Variants in ADCY5 observed in about 807,000 individuals in gnomAD.
The protein encoded by ADCY5 is adenylate cyclase 5.
A neutral mutation model predicts 119.7 loss-of-function variants in ADCY5; 30 were observed. The ratio of observed to expected loss-of-function variants is 0.25; its 90% CI spans 0.19 to 0.34. ADCY5 has a LOEUF of 0.34. Ranked by LOEUF, ADCY5 falls within the 10% of genes least tolerant of loss-of-function variation. The pLI is 1.00. For synonymous variants in ADCY5, 753 were observed against 762.2 expected, an observed-to-expected ratio of 0.99 and a Z score of 0.20; for missense variants, 1,324 against 1,775.2, an observed-to-expected ratio of 0.75 and a Z score of 4.57.
intron 8 of ADCY5, among the ~76,000 whole-genome samples, chr3:123,320,983 C>A (rs1031556998): frequency 6.6e-6 from 1 of 152,136 alleles, no homozygotes; most frequent in African/African-American, 2.4e-5. Context: ...GTGCTAGACG[C>A]CGGGGATGCC....
intron 1 of ADCY5, among the ~76,000 whole-genome samples, chr3:123,401,256 A>G (rs912593294): frequency 3.3e-5 from 5 of 152,178 alleles, no homozygotes; most frequent in South Asian, 2.1e-4. Flanking sequence ...ATGTCCGGGT[A>G]GGTCAGACAG....
intron 1 of ADCY5, among the ~76,000 whole-genome samples, chr3:123,434,656 C>G (rs186991427): frequency 6.6e-6 from 1 of 152,180 alleles, no homozygotes; most frequent in Non-Finnish European, 1.5e-5. Context: ...GTCCAGGTCT[C>G]AACCCTAGGA....
Position 123,319,898 on chromosome 3 carries a change from C to T in ADCY5, c.2112-80G>A, listed in dbSNP as rs999097982. ...AGGGCTGGCTCTTCCGACCATCCCC[C>T]CAGACTCTCGGAGAGGCCTGGCAGC... On this transcript the variant is annotated intron_variant, in intron 9 of 20. Coordinates refer to ENST00000462833, the MANE Select transcript of ADCY5 (RefSeq NM_183357.3). 8 of 1,557,306 alleles carry T rather than the reference C, an allele frequency of 5.1e-6. No individual in the cohort carries two copies. The African/African-American group carries it at 9.5e-5, about 18-fold the overall frequency.
chr3:123,306,318 C>T (rs4528887), intron 12 of ADCY5, among the ~76,000 whole-genome samples: 24,434 of 152,076 alleles, frequency 0.16, 2,248 homozygotes, highest in Middle Eastern at 0.28. Flanking sequence ...CTGGGACACA[C>T]AGATATCCAC....
intron 1 of ADCY5, among the ~76,000 whole-genome samples, chr3:123,370,203 TCA>T (rs1451023372): frequency 6.6e-6 from 1 of 152,194 alleles, no homozygotes; most frequent in Non-Finnish European, 1.5e-5. Context: ...AAATATATTC[TCA>T]GTTTGAAGTC....
rs190281683 is a variant in ADCY5, at chr3:123,367,980, G to A, written c.1135-15399C>T. 1.1e-5 allele frequency: 17 copies of A among 1,523,512 alleles called. No individual in the cohort carries two copies. The East Asian group carries it at 2.7e-4, about 24-fold the overall frequency. The allele number at this position is 1,523,512 out of a possible 1,614,324, so 94.4% of individuals were successfully genotyped here. A position where few individuals can be genotyped will look rare whatever the true frequency, so the allele number is the denominator to read the frequency against. Reference sequence around the variant, plus strand: ...CCTGGGCCCTACCCAGCACTACACAGGCTGCCCTGTGGGGATGGAGGGGAC... The same window carrying A: ...CCTGGGCCCTACCCAGCACTACACAAGCTGCCCTGTGGGGATGGAGGGGAC... On this transcript the variant is annotated intron_variant, in intron 1 of 20. Transcript: ENST00000462833.
chr3:123,335,025 C>T (rs926012025), intron 3 of ADCY5, among the ~76,000 whole-genome samples: 10 of 152,142 alleles, frequency 6.6e-5, no homozygotes, highest in Non-Finnish European at 1.2e-4. Flanking sequence ...AGACAGTAAA[C>T]AACTTGCCTT....
At chr3:123,324,405 CA>C (rs1402520289) in intron 8 of ADCY5, among the ~76,000 whole-genome samples, 10 of 236 alleles carry the variant, frequency 0.042, no homozygotes, top group African/African-American at 0.19. Flanking sequence ...ACACAGAAAC[CA>C]CACACACACA....
Position 123,318,586 on chromosome 3 carries a change from G to A in ADCY5, c.2257-469C>T, listed in dbSNP as rs56401848. Among the ~76,000 whole-genome samples the A allele has an allele frequency of 9.7e-3, 1,473 of 152,258 alleles. 12 individuals carry two copies. Among genetic ancestry groups the A allele is most frequent in the Middle Eastern group, 0.027 (8 of 294 alleles). On this transcript the variant is annotated intron_variant, in intron 10 of 20. Coordinates refer to ENST00000462833, the MANE Select transcript of ADCY5 (RefSeq NM_183357.3). ...ATCTGAGGCTCCCAGCCCCAGCTCC[G>A]CCCATGATACCAAGCAGCCACACTG...
intron 20 of ADCY5, among the ~76,000 whole-genome samples, chr3:123,285,320 C>T (rs1394324882): frequency 6.6e-6 from 1 of 152,196 alleles, no homozygotes; most frequent in Non-Finnish European, 1.5e-5. Flanking sequence ...ATGGCAGGGC[C>T]TGTGCTTAGG....
chr3:123,415,609 C>T (rs1945167993), intron 1 of ADCY5, among the ~76,000 whole-genome samples: 1 of 152,164 alleles, frequency 6.6e-6, no homozygotes, highest in Non-Finnish European at 1.5e-5. Context: ...TCCCACAGCG[C>T]CTCTGTGGCC....
chr3:123,386,381 C>T (rs2107573815), intron 1 of ADCY5, among the ~76,000 whole-genome samples: 1 of 152,358 alleles, frequency 6.6e-6, no homozygotes, highest in Middle Eastern at 3.4e-3. Context: ...CTGGCCATCT[C>T]TTGGCTTCTC....
intron 1 of ADCY5, among the ~76,000 whole-genome samples, chr3:123,425,713 C>CG (rs397953447): frequency 1.3e-5 from 2 of 150,560 alleles, no homozygotes; most frequent in African/African-American, 2.5e-5. Flanking sequence ...GCCCACCCCC[C>CG]AGTTCACACC....
chr3:123,416,433 C>G, intron 1 of ADCY5: 4 of 1,185,676 alleles, frequency 3.4e-6, no homozygotes, highest in Non-Finnish European at 4.6e-6. Context: ...GCCTCCCTGT[C>G]TCTGATTTGA....
intron 3 of ADCY5, among the ~76,000 whole-genome samples, chr3:123,333,908 G>A (rs532518804): frequency 9.5e-4 from 145 of 152,264 alleles, no homozygotes; most frequent in South Asian, 3.7e-3. Flanking sequence ...AGAGACCCAG[G>A]GAGGAGAAAG....
chr3:123,373,241 G>A (rs538537395), intron 1 of ADCY5, among the ~76,000 whole-genome samples: 2 of 151,956 alleles, frequency 1.3e-5, no homozygotes, highest in East Asian at 3.9e-4. Context: ...CAGCTGGTAT[G>A]TACATGAGGA....
At chr3:123,312,200 A>G (rs1559796795) in intron 12 of ADCY5, among the ~76,000 whole-genome samples, 1 of 152,248 alleles carries the variant, frequency 6.6e-6, no homozygotes, top group Non-Finnish European at 1.5e-5. Context: ...GTTCAGGCTT[A>G]AAAAATGGCA....
intron 6 of ADCY5, among the ~76,000 whole-genome samples, chr3:123,328,035 A>C (rs1208234106): frequency 6.6e-6 from 1 of 152,148 alleles, no homozygotes; most frequent in South Asian, 2.1e-4. Context: ...CAGTCTTGCA[A>C]ACTTTGCAAG....
chr3:123,301,646 C>T (rs1939858597), intron 14 of ADCY5, among the ~76,000 whole-genome samples: 1 of 152,224 alleles, frequency 6.6e-6, no homozygotes, highest in Admixed American at 6.5e-5. Flanking sequence ...AAGCCTCTCC[C>T]ACAAATGAGG....
Sources: allele counts gnomAD v4.1 joint callset (sites outside exome capture counted in the v4.1 genomes callset), GRCh38; gene constraint gnomAD v4.1.1; transcripts MANE v1.5; gene names NCBI Gene and HGNC (gene_info 2026-07-23, HGNC 2026-07-21).